Variants in GRIK2 observed in about 807,000 individuals in gnomAD.
The protein encoded by GRIK2 is glutamate ionotropic receptor kainate type subunit 2.
A neutral mutation model predicts 100.3 loss-of-function variants in GRIK2; 32 were observed. The observed-to-expected ratio is 0.32, with a 90% CI of 0.24 to 0.43. The LOEUF is 0.43. Among genes scored for constraint, GRIK2 ranks in the 20% least tolerant of loss-of-function variants. The pLI is 1.00. For synonymous variants in GRIK2, 417 were observed against 389.4 expected (o/e 1.07, Z -0.83); for missense variants, 843 against 1,114.9 (o/e 0.76, Z 3.47).
intron 13 of GRIK2, chr6:101,927,716 A>T (rs1389963647): frequency 6.6e-6 from 1 of 152,078 alleles, no homozygotes. Flanking sequence ...TATAGTTATA[A>T]AAGATTTATA....
intron 7 of GRIK2, among the ~76,000 whole-genome samples, chr6:101,778,461 G>A (rs1029098570): frequency 2.6e-5 from 4 of 151,974 alleles, no homozygotes; most frequent in African/African-American, 7.3e-5. Flanking sequence ...CCCAGGCCAC[G>A]AGTGCTAATA....
At chr6:102,061,196 G>T (rs563930030) in intron 16 of GRIK2, among the ~76,000 whole-genome samples, 3 of 150,458 alleles carry the variant, frequency 2.0e-5, no homozygotes, top group South Asian at 2.1e-4. Context: ...CATACTCTTT[G>T]TATCCCCACA....
intron 7 of GRIK2, chr6:101,744,535 T>C (rs1399653216): frequency 7.2e-5 from 7 of 96,912 alleles, no homozygotes; most frequent in Middle Eastern, 5.2e-3. Context: ...TATATATATA[T>C]ATATATATAT....
chr6:101,944,916 C>T (rs1025746085), intron 14 of GRIK2, among the ~76,000 whole-genome samples: 3 of 151,944 alleles, frequency 2.0e-5, no homozygotes, highest in African/African-American at 7.2e-5. Flanking sequence ...ATACAATTTT[C>T]CTTTGACTTC....
intron 7 of GRIK2, among the ~76,000 whole-genome samples, chr6:101,721,217 T>A (rs2128365436): frequency 6.6e-6 from 1 of 152,106 alleles, no homozygotes; most frequent in Non-Finnish European, 1.5e-5. Flanking sequence ...TTTTCTATTC[T>A]AAAAGGCAGT....
chr6:101,977,494 A>C (rs968738791), intron 14 of GRIK2, among the ~76,000 whole-genome samples: 1 of 151,964 alleles, frequency 6.6e-6, no homozygotes, highest in African/African-American at 2.4e-5. Flanking sequence ...ATTCTGCAAA[A>C]GCCTCAGCCA....
intron 2 of GRIK2, among the ~76,000 whole-genome samples, chr6:101,605,135 G>A (rs867699673): frequency 1.3e-5 from 2 of 151,998 alleles, no homozygotes; most frequent in Middle Eastern, 3.4e-3. Context: ...TGCATATGTT[G>A]TGGCTGAAAT....
intron 11 of GRIK2, 49 bp from the exon 12 acceptor site, chr6:101,889,587 TTCTC>T: frequency 1.9e-6 from 2 of 1,032,000 alleles, no homozygotes; most frequent in South Asian, 1.5e-5. Context: ...AATCAATTTT[TTCTC>T]TCTTTCTTTC....
chr6:101,944,277 T>C (rs1354931842), intron 14 of GRIK2, among the ~76,000 whole-genome samples: 1 of 152,210 alleles, frequency 6.6e-6, no homozygotes, highest in Non-Finnish European at 1.5e-5. Context: ...TAGGTAGTTC[T>C]TTATAGAAGT....
intron 12 of GRIK2, among the ~76,000 whole-genome samples, chr6:101,905,124 G>C (rs1582501280): frequency 6.6e-6 from 1 of 151,686 alleles, no homozygotes; most frequent in East Asian, 1.9e-4. Flanking sequence ...TGTGAGTCTA[G>C]AGTGTCTAAA....
At chr6:101,864,810 T>C (rs1171043886) in intron 11 of GRIK2, among the ~76,000 whole-genome samples, 8 of 152,188 alleles carry the variant, frequency 5.3e-5, no homozygotes, top group Admixed American at 3.3e-4. Flanking sequence ...TGTGCTATAA[T>C]GTTATCAGAG....
chr6:101,966,456 G>T (rs1792681020), intron 14 of GRIK2, among the ~76,000 whole-genome samples: 1 of 152,050 alleles, frequency 6.6e-6, no homozygotes, highest in Non-Finnish European at 1.5e-5. Flanking sequence ...GACAAGGCTG[G>T]AGTTCCTGTA....
intron 7 of GRIK2, among the ~76,000 whole-genome samples, chr6:101,799,385 G>A (rs1364918491): frequency 6.6e-6 from 1 of 151,764 alleles, no homozygotes; most frequent in East Asian, 1.9e-4. Context: ...CTACTTCAAC[G>A]GCAGTACTAG....
intron 14 of GRIK2, among the ~76,000 whole-genome samples, chr6:101,940,355 A>G (rs1790882713): frequency 6.6e-6 from 1 of 152,092 alleles, no homozygotes; most frequent in South Asian, 2.1e-4. Flanking sequence ...ATTGATTTTT[A>G]TTACCAATGC....
chr6:102,064,115 T>C lies in GRIK2; in HGVS notation c.2563-4232T>C, dbSNP rs1771885584. ...TTATATTAATGTGGAGAAACATTTT[T>C]ATTGTTGTTTTCATCCTAAGGAACT... On this transcript the variant is annotated intron_variant, in intron 16 of 16. Transcript: ENST00000369134. 4.1e-6 allele frequency: 3 copies of C among 739,602 alleles called. No homozygotes were observed. The South Asian group carries it at 4.9e-5, about 12-fold the overall frequency. The allele number at this position is 739,602 out of a possible 1,614,324, so 45.8% of individuals were successfully genotyped here.
intron 10 of GRIK2, among the ~76,000 whole-genome samples, chr6:101,847,645 G>A (rs1464833007): frequency 6.6e-5 from 10 of 152,048 alleles, no homozygotes; most frequent in Admixed American, 2.0e-4. Flanking sequence ...CTCCTTTACT[G>A]TTTAGCCAGG....
At chr6:101,989,161 TA>T (rs1203997185) in intron 14 of GRIK2, among the ~76,000 whole-genome samples, 8 of 152,062 alleles carry the variant, frequency 5.3e-5, no homozygotes, top group African/African-American at 1.9e-4. Context: ...TGTAAATAAA[TA>T]TTTATTGACA....
chr6:101,546,806 C>A (rs1776256075), intron 2 of GRIK2, among the ~76,000 whole-genome samples: 1 of 144,672 alleles, frequency 6.9e-6, no homozygotes, highest in African/African-American at 2.5e-5. Flanking sequence ...CTCCAACTCT[C>A]ATGTTTTTGT....
At position 101,449,864 on chromosome 6, in the gene GRIK2, G is replaced by A. The variant is rs180768807; in HGVS notation, c.115+50472G>A. 1.1e-3 allele frequency among the ~76,000 whole-genome samples: 162 copies of A among 151,792 alleles called. 1 individual carries two copies. Among genetic ancestry groups the A allele is most frequent in the African/African-American group, 3.6e-3 (148 of 41,502 alleles). On this transcript the variant is annotated intron_variant, in intron 2 of 16. Transcript: ENST00000369134. ...AAATGTCTGATGGGGGACTTTGTACGTGATTTTCTTGGAGTGTAGAGACGA... is the reference window on the plus strand; with the variant it reads ...AAATGTCTGATGGGGGACTTTGTACATGATTTTCTTGGAGTGTAGAGACGA...
Sources: allele counts gnomAD v4.1 joint callset (sites outside exome capture counted in the v4.1 genomes callset), GRCh38; gene constraint gnomAD v4.1.1; transcripts MANE v1.5; gene names NCBI Gene and HGNC (gene_info 2026-07-23, HGNC 2026-07-21).